ZMAT1: variants seen among roughly 807,000 people sequenced by gnomAD.
The protein encoded by ZMAT1 is zinc finger matrin-type protein 1.
In ZMAT1, 11 loss-of-function variants were observed where a neutral mutation model predicts 18.5. The ratio of observed to expected loss-of-function variants is 0.59; its 90% CI spans 0.37 to 0.98. The LOEUF (loss-of-function observed/expected upper bound fraction) is 0.98, where lower values mean the gene tolerates loss of function less well. ZMAT1 is among the 50% of genes least tolerant of loss of function. ZMAT1 has a pLI of 0.01. For missense variants in ZMAT1, 525 were observed against 496.2 expected, an observed-to-expected ratio of 1.06 and a Z score of -0.55; for synonymous variants, 211 against 176.4, an observed-to-expected ratio of 1.20 and a Z score of -1.55.
At chrX:101,911,532 C>T (rs1450048571) in intron 1 of ZMAT1, 13 of 1,053,292 alleles carry the variant, frequency 1.2e-5, no homozygotes, top group Admixed American at 5.4e-5. Context: ...TAAAAAGTCA[C>T]CTCACCCAAC....
intron 1 of ZMAT1, among the ~76,000 whole-genome samples, chrX:101,926,546 A>G (rs767955777): frequency 1.8e-4 from 20 of 112,167 alleles, no homozygotes; most frequent in African/African-American, 6.5e-4. Flanking sequence ...GAGAATAATG[A>G]ATTTGGTCCA....
At position 101,931,938 on chromosome X, in the gene ZMAT1, G is replaced by A. The variant is rs1930538291; in HGVS notation, c.71C>T (p.Ala24Val). 4 of 781,870 alleles carry A rather than the reference G, an allele frequency of 5.1e-6. No homozygotes were observed. The highest frequency in any genetic ancestry group is 6.1e-6 in the Non-Finnish European group (4 of 659,066). The allele number at this position is 781,870 out of a possible 1,213,427, so 64.4% of individuals were successfully genotyped here. ...ESSPQEATVS[A>V]ASSSSYTACA... ...GGCGGTGTAGGAGGAGGAGGAGGCG[G>A]CAGAGACGGTAGCTTCCTGAGGGGA... Residue 24 changes from alanine to valine, a missense_variant, in exon 1 of 6, where the codon GCC (alanine) becomes GTC (valine). Ala to Val is a moderately conservative substitution (Grantham distance 64, BLOSUM62 0). Transcript: ENST00000651725.
At chrX:101,897,220 T>C (rs1927875731) in intron 4 of ZMAT1, among the ~76,000 whole-genome samples, 1 of 107,047 alleles carries the variant, frequency 9.3e-6, no homozygotes, top group African/African-American at 3.4e-5. Flanking sequence ...ATCATCATTG[T>C]CAGTAAACTA....
At chrX:101,914,731 C>T (rs553845208) in intron 1 of ZMAT1, among the ~76,000 whole-genome samples, 7 of 110,909 alleles carry the variant, frequency 6.3e-5, no homozygotes, top group South Asian at 3.7e-4. Flanking sequence ...AAGAAAAGCC[C>T]GGGACCTAAT....
intron 5 of ZMAT1, among the ~76,000 whole-genome samples, chrX:101,885,388 A>T (rs1379254769): frequency 9.0e-6 from 1 of 111,202 alleles, no homozygotes; most frequent in African/African-American, 3.3e-5. Flanking sequence ...AAATCTAGCC[A>T]GGTGTGGTGT....
intron 1 of ZMAT1, chrX:101,911,382 G>T (rs1928952896): frequency 3.3e-6 from 1 of 302,838 alleles, no homozygotes; most frequent in Middle Eastern, 1.0e-3. Context: ...GAAAACCACA[G>T]AATATTATAA....
At chrX:101,928,170 T>C (rs1214140842) in intron 1 of ZMAT1, among the ~76,000 whole-genome samples, 1 of 111,857 alleles carries the variant, frequency 8.9e-6, no homozygotes, top group East Asian at 2.8e-4. Context: ...CATTTAAAAC[T>C]GCATTCCTTC....
intron 1 of ZMAT1, among the ~76,000 whole-genome samples, chrX:101,929,517 T>C (rs191874377): frequency 6.5e-4 from 67 of 102,719 alleles, no homozygotes; most frequent in African/African-American, 2.3e-3. Context: ...TGAGGCCTAA[T>C]AGTGTTTCGA....
At chrX:101,923,360 C>T (rs777833413) in intron 1 of ZMAT1, among the ~76,000 whole-genome samples, 11 of 111,332 alleles carry the variant, frequency 9.9e-5, no homozygotes, top group Admixed American at 2.9e-4. Flanking sequence ...TCTGTTTCTA[C>T]CTGACTTTAT....
intron 4 of ZMAT1, among the ~76,000 whole-genome samples, chrX:101,893,123 G>C (rs1444574584): frequency 2.7e-5 from 3 of 111,622 alleles, no homozygotes; most frequent in African/African-American, 6.5e-5. Flanking sequence ...TTATGCTGAT[G>C]ATCATGCCCT....
intron 1 of ZMAT1, among the ~76,000 whole-genome samples, chrX:101,909,119 C>T (rs1215645990): frequency 9.1e-6 from 1 of 109,555 alleles, no homozygotes; most frequent in East Asian, 2.9e-4. Context: ...CTGTGAGGAC[C>T]CTGTTCCAGG....
Position 101,904,308 on chromosome X carries a change from T to G in ZMAT1, c.315A>C (p.Glu105Asp). The stretch of plus-strand genomic sequence containing the variant: ...ACTTATCTGTAAAAAGTTCAGCCTT[T>G]TCCTGTTCATTCCAAATGGCGTCTG... ...LREDAIWNEQ[E>D]KAELFTDKFC... The change falls in exon 2 of 6, where the codon GAA becomes GAC. Residue 105 changes from glutamate to aspartate, a missense_variant. By Grantham distance (45) the Glu-to-Asp change is conservative. Transcript: ENST00000651725. 8.3e-7 allele frequency: 1 copy of G among 1,202,133 alleles called. No individual in the cohort carries two copies. Among genetic ancestry groups the G allele is most frequent in the Non-Finnish European group, 1.1e-6 (1 of 890,385 alleles).
intron 4 of ZMAT1, among the ~76,000 whole-genome samples, chrX:101,895,151 G>T (rs990031392): frequency 7.2e-5 from 8 of 111,605 alleles, no homozygotes; most frequent in Admixed American, 5.7e-4. Context: ...GTCGGCTCTT[G>T]CAATGAAGTA....
Position 101,883,728 on chromosome X carries a change from C to T in ZMAT1, c.1870G>A (p.Asp624Asn). ...SKHKRKKSYE[D>N]TDLDKDKSIR... ...CTCTTGTCTTTGTCTAAATCTGTAT[C>T]TTCATAACTCTTTTTCCTTTTATGC... Residue 624 changes from aspartate (D) to asparagine (N), a missense_variant, in exon 6 of 6, where the codon GAT becomes AAT. Physicochemically the swap from Asp to Asn is conservative, Grantham distance 23 (BLOSUM62 1). Transcript: ENST00000651725. 8.3e-7 allele frequency: 1 copy of T among 1,206,064 alleles called. No homozygotes were observed. Among genetic ancestry groups the T allele is most frequent in the Non-Finnish European group, 1.1e-6 (1 of 893,890 alleles).
At chrX:101,909,782 G>GT (rs962781966) in intron 1 of ZMAT1, among the ~76,000 whole-genome samples, 2 of 112,346 alleles carry the variant, frequency 1.8e-5, no homozygotes, top group South Asian at 3.7e-4. Context: ...GACTTCTAAG[G>GT]TTTTTTTAAC....
intron 1 of ZMAT1, among the ~76,000 whole-genome samples, chrX:101,906,961 C>A (rs887391180): frequency 9.0e-6 from 1 of 111,417 alleles, no homozygotes; most frequent in African/African-American, 3.3e-5. Context: ...CAGTACCAGG[C>A]AGGACCCCTT....
chrX:101,904,711 G>A (rs1180547652), intron 1 of ZMAT1, among the ~76,000 whole-genome samples: 1 of 111,058 alleles, frequency 9.0e-6, no homozygotes, highest in Non-Finnish European at 1.9e-5. Context: ...GGGAGGCTGA[G>A]GTAGGAGGAC....
chrX:101,920,249 G>C (rs1929636171), intron 1 of ZMAT1, among the ~76,000 whole-genome samples: 1 of 110,224 alleles, frequency 9.1e-6, no homozygotes, highest in Admixed American at 9.7e-5. Context: ...ATGTTGCCTA[G>C]GCTGGTCTCA....
At position 101,883,742 on chromosome X, in the gene ZMAT1, T is replaced by C; in HGVS notation, c.1856A>G (p.Lys619Arg). 8.3e-7 allele frequency: 1 copy of C among 1,207,564 alleles called. No individual in the cohort carries two copies. The highest frequency in any genetic ancestry group is 1.1e-6 in the Non-Finnish European group (1 of 894,397). Reference sequence around the variant, plus strand: ...TAAATCTGTATCTTCATAACTCTTTTTCCTTTTATGCTTGGACTGCTCTTT... The same window carrying C: ...TAAATCTGTATCTTCATAACTCTTTCTCCTTTTATGCTTGGACTGCTCTTT... ...PEKEQSKHKR[K>R]KSYEDTDLDK... The change falls in exon 6 of 6, where the codon AAA (lysine) becomes AGA (arginine). Residue 619 changes from lysine (K) to arginine (R), a missense_variant. By Grantham distance (26) the Lys-to-Arg change is conservative. Coordinates refer to ENST00000651725, the MANE Select transcript of ZMAT1 (RefSeq NM_001394560.1).
Sources: allele counts gnomAD v4.1 joint callset (sites outside exome capture counted in the v4.1 genomes callset), GRCh38; gene constraint gnomAD v4.1.1; transcripts MANE v1.5; gene names NCBI Gene and HGNC (gene_info 2026-07-23, HGNC 2026-07-21).